GSTM4: variants seen among roughly 807,000 people sequenced by gnomAD.
The protein encoded by GSTM4 is GST class-mu 4.
GSTM4 carries 27 observed loss-of-function variants against 30.1 expected under a neutral mutation model. That is an observed-to-expected ratio of 0.90 (90% CI 0.66 to 1.24). The LOEUF (loss-of-function observed/expected upper bound fraction) is 1.24. Ranked by LOEUF, GSTM4 falls within the 50% of genes most tolerant of loss-of-function variation. The probability of loss-of-function intolerance (pLI) is 0.00; values close to 1 mark genes in which losing one functional copy is unlikely to be tolerated. For missense variants in GSTM4, 238 were observed against 272.1 expected (o/e 0.87, Z 0.88); for synonymous variants, 94 against 96.2 (o/e 0.98, Z 0.13).
chr1:109,664,341 CTTTTTTTTTTTTTTTTTTTTTT>C (rs77855995), downstream of GSTM4, among the ~76,000 whole-genome samples: 57 of 35,756 alleles, frequency 1.6e-3, no homozygotes, highest in South Asian at 8.4e-3. Context: ...GAGAGAATAG[CTTTTTTTTTTTTTTTTTTTTTT>C]TTTTTTTTTT....
At chr1:109,663,712 T>C (rs1652380398), downstream of GSTM4, among the ~76,000 whole-genome samples, 1 of 152,158 alleles carries the variant, frequency 6.6e-6, no homozygotes, top group Non-Finnish European at 1.5e-5. Context: ...GCACTGTATG[T>C]GTATTACACT....
intron 3 of GSTM4, 67 bp downstream of exon 3, chr1:109,657,346 C>G: frequency 6.3e-7 from 1 of 1,590,882 alleles, no homozygotes; most frequent in Admixed American, 1.7e-5. Flanking sequence ...TCTCCTCTCC[C>G]CAGATTAGAG....
At chr1:109,656,550 CTGTGTGTGTGTGTGTG>C (rs57680849) in intron 1 of GSTM4, 125 bp downstream of exon 1, 316 of 532,104 alleles carry the variant, frequency 5.9e-4, no homozygotes, top group Middle Eastern at 1.0e-3. Context: ...CTGTGCATGC[CTGTGTGTGTGTGTGTG>C]TGTGTGTGTG....
At chr1:109,658,228 G>A (rs1652126367) in intron 5 of GSTM4, 2 of 306,808 alleles carry the variant, frequency 6.5e-6, no homozygotes, top group East Asian at 7.6e-5. Flanking sequence ...GAAGTATGTA[G>A]TGGGATGTAA....
rs1651963276 is a variant in GSTM4, at chr1:109,656,112, A to T, written c.-278A>T. 1 of 443,136 alleles carries T rather than the reference A, an allele frequency of 2.3e-6. No homozygotes were observed. Among genetic ancestry groups the T allele is most frequent in the East Asian group, 4.6e-5 (1 of 21,730 alleles). The allele number at this position is 443,136 out of a possible 1,614,324, so 27.5% of individuals were successfully genotyped here. A position where few individuals can be genotyped will look rare whatever the true frequency, so the allele number is the denominator to read the frequency against. On this transcript the variant is annotated 5_prime_UTR_variant, in exon 1 of 8. Coordinates refer to ENST00000369836, the MANE Select transcript of GSTM4 (RefSeq NM_000850.5). ...GCCGAGCCCCTCCTAGTGCTTCCGGACCTTGCTCCCTGAACACTCGGAGGT... is the reference window on the plus strand; with the variant it reads ...GCCGAGCCCCTCCTAGTGCTTCCGGTCCTTGCTCCCTGAACACTCGGAGGT...
Position 109,661,367 on chromosome 1 carries a change from T to G in GSTM4, c.*113T>G, listed in dbSNP as rs966892514. 4 of 1,573,756 alleles carry G rather than the reference T, an allele frequency of 2.5e-6. No individual in the cohort carries two copies. The African/African-American group carries it at 4.1e-5, about 16-fold the overall frequency. On this transcript the variant is annotated 3_prime_UTR_variant, in exon 8 of 8. Coordinates refer to ENST00000369836, the MANE Select transcript of GSTM4 (RefSeq NM_000850.5). ...CACCTGCCTCCTCGTTCCTTTCTCC[T>G]GTTTATTCCCATCTTTACCCCCAAG...
intron 5 of GSTM4, chr1:109,658,092 A>G (rs772706993): frequency 6.7e-5 from 38 of 568,650 alleles, no homozygotes; most frequent in Non-Finnish European, 1.1e-4. Context: ...GTTCCTAGAC[A>G]ATAAAGTCAT....
intron 5 of GSTM4, chr1:109,658,253 G>T: frequency 4.0e-6 from 1 of 252,798 alleles, no homozygotes; most frequent in Non-Finnish European, 7.6e-6. Flanking sequence ...ACCCTCCTCT[G>T]TGGAATTCCG....
intron 2 of GSTM4, 132 bp downstream of exon 2, chr1:109,656,919 C>G (rs749787843): frequency 2.0e-6 from 2 of 980,490 alleles, no homozygotes; most frequent in Non-Finnish European, 3.3e-6. Flanking sequence ...CCCTGAGCCC[C>G]GGTGAGGGAG....
intron 7 of GSTM4, chr1:109,660,279 C>T (rs557379071): frequency 5.2e-5 from 8 of 154,284 alleles, no homozygotes; most frequent in African/African-American, 1.9e-4. Flanking sequence ...GGGCTTGGCC[C>T]TTTGGGAATA....
chr1:109,656,482 G>C (rs981829020), intron 1 of GSTM4, 57 bp downstream of exon 1: 1 of 1,596,998 alleles, frequency 6.3e-7, no homozygotes, highest in Non-Finnish European at 8.6e-7. Flanking sequence ...AGTGCCGAGC[G>C]GCTGGGGACC....
chr1:109,657,758 T>A lies in GSTM4; in HGVS notation c.260-14T>A. On this transcript the variant is annotated splice_polypyrimidine_tract_variant and intron_variant, in intron 4 of 7. Coordinates refer to ENST00000369836, the MANE Select transcript of GSTM4 (RefSeq NM_000850.5). The stretch of plus-strand genomic sequence containing the variant: ...TGCTATGCTCAGAGTGAGTCTGTGT[T>A]TTGTGGGTGGCAGGTGGGGAGACAG... 6.2e-7 allele frequency: 1 copy of A among 1,613,932 alleles called. No individual in the cohort carries two copies. The highest frequency in any genetic ancestry group is 2.2e-5 in the East Asian group (1 of 44,870).
chr1:109,656,589 T>TGC (rs1652002615), intron 1 of GSTM4, 123 bp from the exon 2 acceptor site: 12 of 591,122 alleles, frequency 2.0e-5, no homozygotes, highest in East Asian at 6.6e-5. Context: ...TGTGTGTGTG[T>TGC]GCGTGCGCCG....
At chr1:109,659,641 C>T (rs2101224612) in intron 7 of GSTM4, 1 of 356,998 alleles carries the variant, frequency 2.8e-6, no homozygotes, top group East Asian at 7.5e-5. Context: ...GATCAGACCC[C>T]CACGTGGGGA....
At chr1:109,659,322 G>C in intron 7 of GSTM4, 3 of 1,541,448 alleles carry the variant, frequency 1.9e-6, no homozygotes, top group Non-Finnish European at 2.6e-6. Context: ...TGCCCATTTA[G>C]AGATAAGAAA....
intron 5 of GSTM4, chr1:109,658,112 AT>A (rs896380614): frequency 7.3e-6 from 4 of 544,906 alleles, no homozygotes; most frequent in Non-Finnish European, 1.3e-5. Context: ...TGCGTTCAGA[AT>A]TCCCTTCACC....
chr1:109,661,859 G>C (rs1462218950), downstream of GSTM4: 3 of 265,774 alleles, frequency 1.1e-5, no homozygotes, highest in African/African-American at 7.0e-5. Flanking sequence ...TTTGAAATAA[G>C]GTCTCCTGCT....
At position 109,661,575 on chromosome 1, in the gene GSTM4, C is replaced by T. The variant is rs1303477703; in HGVS notation, c.*321C>T. The T allele has an allele frequency of 5.5e-6, 7 of 1,280,238 alleles. No homozygotes were observed. Among genetic ancestry groups the T allele is most frequent in the East Asian group, 3.5e-5 (1 of 28,792 alleles). The allele number at this position is 1,280,238 out of a possible 1,614,324, so 79.3% of individuals were successfully genotyped here. ...GCTTTGAAGGGCCTACCTGGCCCCT[C>T]GCCTGTGGAGCTCAGCCCTGAGCTG... is the stretch of plus-strand genomic sequence containing the variant. On this transcript the variant is annotated 3_prime_UTR_variant, in exon 8 of 8. Transcript: ENST00000369836.
intron 5 of GSTM4, 68 bp from the exon 6 acceptor site, chr1:109,658,746 C>T (rs1652153972): frequency 1.8e-5 from 21 of 1,153,264 alleles, no homozygotes; most frequent in Non-Finnish European, 2.8e-5. Context: ...CCATACACAG[C>T]CCTGGGGAGG....
Sources: allele counts gnomAD v4.1 joint callset (sites outside exome capture counted in the v4.1 genomes callset), GRCh38; gene constraint gnomAD v4.1.1; transcripts MANE v1.5; gene names NCBI Gene and HGNC (gene_info 2026-07-23, HGNC 2026-07-21).